SNRNP25: variants seen among roughly 807,000 people sequenced by gnomAD.
SNRNP25 encodes the protein small nuclear ribonucleoprotein U11/U12 subunit 25, also known as U11/U12 small nuclear ribonucleoprotein 25 kDa protein.
Under a neutral mutation model 23.9 loss-of-function variants are expected in SNRNP25, and 21 were observed. That is an observed-to-expected ratio of 0.88 (90% CI 0.62 to 1.27). The LOEUF is 1.27. Ranked by LOEUF, SNRNP25 falls within the 50% of genes most tolerant of loss-of-function variation. The pLI is 0.00. For synonymous variants in SNRNP25, 63 were observed against 60.4 expected (o/e 1.04, Z -0.20); for missense variants, 160 against 156.9 (o/e 1.02, Z -0.11).
rs1284754553 is a variant in SNRNP25, at chr16:57,040, T to C, written c.315-46T>C. On this transcript the variant is annotated intron_variant, in intron 4 of 4. Coordinates refer to ENST00000293861, the MANE Select transcript of SNRNP25 (RefSeq NM_024571.4). ...AGCCTCAGGAGGGGAGTCACAGATA[T>C]GTCCTTCTGTAGGGCAGGTGCTTTA... The C allele has an allele frequency of 4.4e-6, 7 of 1,597,102 alleles. No individual in the cohort carries two copies. The South Asian group carries it at 4.4e-5, about 10-fold the overall frequency.
chr16:55,250 G>T (rs1209937793), intron 1 of SNRNP25: 3 of 515,280 alleles, frequency 5.8e-6, no homozygotes, highest in Non-Finnish European at 1.1e-5. Flanking sequence ...TTCCCCCAGA[G>T]ACTCTGTCCA....
intron 2 of SNRNP25, 27 bp from the exon 3 acceptor site, chr16:55,747 ATCT>A (rs1199447581): frequency 1.9e-6 from 3 of 1,611,078 alleles, no homozygotes; most frequent in Non-Finnish European, 2.5e-6. Flanking sequence ...CTCACCATGG[ATCT>A]TCTCCCATCT....
At position 55,564 on chromosome 16, in the gene SNRNP25, C is replaced by T. The variant is rs1897396353; in HGVS notation, c.133+15C>T. 6.2e-7 allele frequency: 1 copy of T among 1,613,574 alleles called. No individual in the cohort carries two copies. The highest frequency in any genetic ancestry group is 8.5e-7 in the Non-Finnish European group (1 of 1,179,548). On this transcript the variant is annotated intron_variant, in intron 2 of 4. Coordinates refer to ENST00000293861, the MANE Select transcript of SNRNP25 (RefSeq NM_024571.4). ...AGAAGTAATGCGTAAGTGCTACCCTCCTCCCTTCAGGTTATGTGGTCCAGG... is the reference window on the plus strand; with the variant it reads ...AGAAGTAATGCGTAAGTGCTACCCTTCTCCCTTCAGGTTATGTGGTCCAGG...
chr16:55,711 G>A, intron 2 of SNRNP25, 66 bp from the exon 3 acceptor site: 2 of 1,582,142 alleles, frequency 1.3e-6, no homozygotes, highest in Non-Finnish European at 1.7e-6. Flanking sequence ...TTCCTTTCCT[G>A]CCATCGGAGG....
chr16:55,269 A>G, intron 1 of SNRNP25, 190 bp from the exon 2 acceptor site: 1 of 560,046 alleles, frequency 1.8e-6, no homozygotes, highest in Non-Finnish European at 3.3e-6. Flanking sequence ...CACTATGGAC[A>G]TTAAAATGTG....
rs1271118362 is a variant in SNRNP25, at chr16:57,409, TG to T, written c.*268del. The T allele has an allele frequency of 2.9e-5, 16 of 549,638 alleles. No homozygotes were observed. In the East Asian group the frequency reaches 4.6e-4, roughly 16 times the overall value. 34.0% of individuals were successfully genotyped at this position (549,638 alleles called of 1,614,324 possible). A position where few individuals can be genotyped will look rare whatever the true frequency, so the allele number is the denominator to read the frequency against. On this transcript the variant is annotated 3_prime_UTR_variant, in exon 5 of 5. Coordinates refer to ENST00000293861, the MANE Select transcript of SNRNP25 (RefSeq NM_024571.4). ...CTAGTCACATGGCAGACCCACGGCC[TG>T]GCCCACTGTATAAAATAAACCTGTT... is the stretch of plus-strand genomic sequence containing the variant.
At chr16:56,778 C>T (rs560017683) in intron 4 of SNRNP25, among the ~76,000 whole-genome samples, 165 bp downstream of exon 4, 7 of 152,344 alleles carry the variant, frequency 4.6e-5, no homozygotes, top group Admixed American at 2.6e-4. Flanking sequence ...CAGAGGGCAG[C>T]TGGAGGGGCC....
At position 56,616 on chromosome 16, in the gene SNRNP25, A is replaced by T. The variant is rs759467041; in HGVS notation, c.314+3A>T. 23 of 1,613,734 alleles carry T rather than the reference A, an allele frequency of 1.4e-5. No individual in the cohort carries two copies. The highest frequency in any genetic ancestry group is 1.8e-5 in the Non-Finnish European group (21 of 1,179,988). Reference sequence around the variant, plus strand: ...GAAGACAGAAAGAAGCTCCGAGAGTAAGTGCCGGCCACGTCCTGAGCCGTA... The same window carrying T: ...GAAGACAGAAAGAAGCTCCGAGAGTTAGTGCCGGCCACGTCCTGAGCCGTA... On this transcript the variant is annotated splice_donor_region_variant and intron_variant, in intron 4 of 4. Transcript: ENST00000293861.
intron 3 of SNRNP25, 195 bp downstream of exon 3, chr16:56,077 C>G: frequency 1.6e-6 from 1 of 629,044 alleles, no homozygotes; most frequent in Non-Finnish European, 2.8e-6. Flanking sequence ...CCTGGGACTC[C>G]TGCCTCGGCC....
intron 4 of SNRNP25, 80 bp from the exon 5 acceptor site, chr16:57,006 G>A (rs1245317497): frequency 2.0e-6 from 3 of 1,504,018 alleles, no homozygotes; most frequent in Non-Finnish European, 1.8e-6. Flanking sequence ...TTTCTTCGTG[G>A]TCCTCCACAG....
At chr16:54,674 T>C (rs926462688) in intron 1 of SNRNP25, among the ~76,000 whole-genome samples, 6 of 152,224 alleles carry the variant, frequency 3.9e-5, no homozygotes, top group Admixed American at 3.3e-4. Flanking sequence ...CAATCATGTG[T>C]CAAAGCGTCA....
In SNRNP25 at chr16:57,430, C is replaced by G. The variant is rs1341963413; in HGVS notation, c.*287C>G. On this transcript the variant is annotated 3_prime_UTR_variant, in exon 5 of 5. Coordinates refer to ENST00000293861, the MANE Select transcript of SNRNP25 (RefSeq NM_024571.4). Reference sequence around the variant, plus strand: ...GGCCTGGCCCACTGTATAAAATAAACCTGTTTGCTTCTTAGTTTGAAAAGT... The same window carrying G: ...GGCCTGGCCCACTGTATAAAATAAAGCTGTTTGCTTCTTAGTTTGAAAAGT... The G allele has an allele frequency of 2.1e-6, 1 of 469,912 alleles. No homozygotes were observed. The highest frequency in any genetic ancestry group is 1.9e-5 in the African/African-American group (1 of 51,988). 29.1% of individuals were successfully genotyped at this position (469,912 alleles called of 1,614,324 possible).
intron 1 of SNRNP25, 34 bp downstream of exon 1, chr16:54,092 C>A: frequency 1.3e-6 from 2 of 1,578,886 alleles, no homozygotes; most frequent in African/African-American, 1.4e-5. Context: ...GCGCGGGAGT[C>A]GTTCCCCGGG....
intron 1 of SNRNP25, among the ~76,000 whole-genome samples, chr16:54,374 C>G (rs1897380399): frequency 6.6e-6 from 1 of 152,124 alleles, no homozygotes; most frequent in African/African-American, 2.4e-5. Context: ...CTCAGCCTCC[C>G]GAGTAATTGG....
chr16:55,694 G>A (rs1596460237), intron 2 of SNRNP25, 83 bp from the exon 3 acceptor site: 7 of 1,553,028 alleles, frequency 4.5e-6, no homozygotes, highest in Non-Finnish European at 8.8e-7. Context: ...GTGCACAGAG[G>A]TGTTGGTTCC....
intron 4 of SNRNP25, among the ~76,000 whole-genome samples, 184 bp from the exon 5 acceptor site, chr16:56,902 C>T (rs112944600): frequency 5.5e-4 from 83 of 152,290 alleles, no homozygotes; most frequent in African/African-American, 1.9e-3. Flanking sequence ...TTCCCTGCCC[C>T]GGGGACTTGT....
chr16:57,302 T>C lies in SNRNP25; in HGVS notation c.*159T>C. ...ACTGTCAGCATAAACCTGGGGGCCC[T>C]CAGGACTAGGACAGGGTGAGCCAGT... On this transcript the variant is annotated 3_prime_UTR_variant, in exon 5 of 5. Coordinates refer to ENST00000293861, the MANE Select transcript of SNRNP25 (RefSeq NM_024571.4). 1.3e-6 allele frequency: 1 copy of C among 745,488 alleles called. No homozygotes were observed. The highest frequency in any genetic ancestry group is 1.6e-5 in the South Asian group (1 of 61,916). 46.2% of individuals were successfully genotyped at this position (745,488 alleles called of 1,614,324 possible).
At position 57,170 on chromosome 16, in the gene SNRNP25, T is replaced by G. The variant is rs778541426; in HGVS notation, c.*27T>G. The G allele has an allele frequency of 2.5e-6, 4 of 1,612,160 alleles. No individual in the cohort carries two copies. The Admixed American group carries it at 5.0e-5, about 20-fold the overall frequency. ...CCTCCAGACAGGACAACCCTCTTCA[T>G]CACTGGTGGCTGAGCTTTTTCCCAG... On this transcript the variant is annotated 3_prime_UTR_variant, in exon 5 of 5. Transcript: ENST00000293861.
chr16:56,747 C>A, intron 4 of SNRNP25, 134 bp downstream of exon 4: 1 of 937,274 alleles, frequency 1.1e-6, no homozygotes, highest in Non-Finnish European at 1.6e-6. Flanking sequence ...TTGGGGCCCT[C>A]CCCACTAGGA....
Sources: allele counts gnomAD v4.1 joint callset (sites outside exome capture counted in the v4.1 genomes callset), GRCh38; gene constraint gnomAD v4.1.1; transcripts MANE v1.5; gene names NCBI Gene and HGNC (gene_info 2026-07-23, HGNC 2026-07-21).